RAB11A: variants seen among roughly 807,000 people sequenced by gnomAD.
RAB11A encodes ras-related protein Rab-11A.
Under a neutral mutation model 28.0 loss-of-function variants are expected in RAB11A, and 9 were observed. That is an observed-to-expected ratio of 0.32 (90% CI 0.19 to 0.56). The LOEUF (loss-of-function observed/expected upper bound fraction) is 0.56. Among genes scored for constraint, RAB11A ranks in the 20% least tolerant of loss-of-function variants. The pLI, the probability that RAB11A is intolerant of heterozygous loss-of-function variation, is 0.91. For synonymous variants in RAB11A, 85 were observed against 88.2 expected (o/e 0.96, Z 0.20); for missense variants, 108 against 269.6 (o/e 0.40, Z 4.20).
intron 1 of RAB11A, among the ~76,000 whole-genome samples, chr15:65,871,160 A>C (rs1470576881): frequency 6.6e-6 from 1 of 152,264 alleles, no homozygotes; most frequent in East Asian, 1.9e-4. Context: ...AGCAGGAAAG[A>C]TTTCTTTGCT....
At chr15:65,873,549 ATATC>A in intron 1 of RAB11A, among the ~76,000 whole-genome samples, 1 of 151,860 alleles carries the variant, frequency 6.6e-6, no homozygotes, top group African/African-American at 2.4e-5. Context: ...ATCTATATCT[ATATC>A]TATATATATA....
rs769282556 is a variant in RAB11A, at chr15:65,877,834, G to A, written c.309G>A (p.Glu103=). 23 of 1,611,416 alleles carry A rather than the reference G, an allele frequency of 1.4e-5. No homozygotes were observed. The highest frequency in any genetic ancestry group is 2.0e-5 in the Non-Finnish European group (23 of 1,177,634). ...IAKHLTYENV[E]RWLKELRDHA... ...AACATCTCACATATGAAAATGTAGAGCGATGGCTGAAAGAACTGAGAGATC... is the reference window on the plus strand; with the variant it reads ...AACATCTCACATATGAAAATGTAGAACGATGGCTGAAAGAACTGAGAGATC... The change falls in exon 3 of 5, where the codon GAG becomes GAA. Residue 103 remains glutamate, a synonymous_variant. Transcript: ENST00000261890. This position sits in a 1 kb window ranked among gnomAD's most constrained non-coding sequence, Gnocchi z 4.1.
At chr15:65,870,624 A>G (rs914773112) in intron 1 of RAB11A, among the ~76,000 whole-genome samples, 1 of 152,208 alleles carries the variant, frequency 6.6e-6, no homozygotes, top group Non-Finnish European at 1.5e-5. Context: ...AGCTTGCTTT[A>G]TCTCTATGAA....
intron 4 of RAB11A, among the ~76,000 whole-genome samples, chr15:65,884,786 C>A (rs2078244658): frequency 6.7e-6 from 1 of 149,288 alleles, no homozygotes; most frequent in Admixed American, 6.7e-5. Context: ...AAACCAAAAA[C>A]CTGATAAGAA....
In RAB11A at chr15:65,888,008, C is replaced by T. The variant is rs1179743690; in HGVS notation, c.*168C>T. 1 of 654,582 alleles carries T rather than the reference C, an allele frequency of 1.5e-6. No homozygotes were observed. The highest frequency in any genetic ancestry group is 1.9e-5 in the African/African-American group (1 of 52,522). 40.5% of individuals were successfully genotyped at this position (654,582 alleles called of 1,614,324 possible). A position where few individuals can be genotyped will look rare whatever the true frequency, so the allele number is the denominator to read the frequency against. On this transcript the variant is annotated 3_prime_UTR_variant, in exon 5 of 5. Transcript: ENST00000261890. The stretch of plus-strand genomic sequence containing the variant: ...TAGCTTTATAAAATCATCCACTTGT[C>T]CCGAATGACTGCAGCTTTTTTTCAT...
In RAB11A at chr15:65,888,708, T is replaced by C. The variant is rs1276709935; in HGVS notation, c.*868T>C. On this transcript the variant is annotated 3_prime_UTR_variant, in exon 5 of 5. Coordinates refer to ENST00000261890, the MANE Select transcript of RAB11A (RefSeq NM_004663.5). Reference sequence around the variant, plus strand: ...CTGGTAGTGTCAAATTTTGAAGTGTTAATTTTGTCTTAGAACCTTCCAGTA... The same window carrying C: ...CTGGTAGTGTCAAATTTTGAAGTGTCAATTTTGTCTTAGAACCTTCCAGTA... 1 of 145,352 alleles carries C rather than the reference T, an allele frequency of 6.9e-6. No individual in the cohort carries two copies. Among genetic ancestry groups the C allele is most frequent in the East Asian group, 1.9e-4 (1 of 5,198 alleles). 9.0% of individuals were successfully genotyped at this position (145,352 alleles called of 1,614,324 possible). A position where few individuals can be genotyped will look rare whatever the true frequency, so the allele number is the denominator to read the frequency against.
At chr15:65,880,837 T>C (rs1285410633) in intron 4 of RAB11A, among the ~76,000 whole-genome samples, 1 of 152,200 alleles carries the variant, frequency 6.6e-6, no homozygotes, top group Admixed American at 6.5e-5. Context: ...GTTTTGTTAT[T>C]TCTTTTTTGA....
chr15:65,880,287 G>C (rs2078214573), intron 4 of RAB11A, among the ~76,000 whole-genome samples: 1 of 152,156 alleles, frequency 6.6e-6, no homozygotes, highest in African/African-American at 2.4e-5. Flanking sequence ...AAAGTAGTTG[G>C]AAAGAGATGG....
At position 65,890,777 on chromosome 15, in the gene RAB11A, A is replaced by T. The variant is rs186548892; in HGVS notation, c.*2937A>T. The T allele has an allele frequency of 2.0e-5, 3 of 152,346 alleles. No homozygotes were observed. Among genetic ancestry groups the T allele is most frequent in the Admixed American group, 2.0e-4 (3 of 15,306 alleles). The allele number at this position is 152,346 out of a possible 1,614,324, so 9.4% of individuals were successfully genotyped here. ...TACTATTTAGACAGTTTTGGCCAAC[A>T]CTAGAAGCAAAAGAATTCAAAGGCT... is the stretch of plus-strand genomic sequence containing the variant. On this transcript the variant is annotated 3_prime_UTR_variant, in exon 5 of 5. Coordinates refer to ENST00000261890, the MANE Select transcript of RAB11A (RefSeq NM_004663.5).
In RAB11A at chr15:65,887,986, C is replaced by G. The variant is rs2078265081; in HGVS notation, c.*146C>G. On this transcript the variant is annotated 3_prime_UTR_variant, in exon 5 of 5. Coordinates refer to ENST00000261890, the MANE Select transcript of RAB11A (RefSeq NM_004663.5). ...CATGTCCTAAGTCTTTTGATTTTAG[C>G]TTTATAAAATCATCCACTTGTCCCG... 1 of 894,412 alleles carries G rather than the reference C, an allele frequency of 1.1e-6. No homozygotes were observed. The highest frequency in any genetic ancestry group is 1.7e-5 in the African/African-American group (1 of 57,190). 55.4% of individuals were successfully genotyped at this position (894,412 alleles called of 1,614,324 possible). A position where few individuals can be genotyped will look rare whatever the true frequency, so the allele number is the denominator to read the frequency against.
chr15:65,883,176 A>G (rs1249202307), intron 4 of RAB11A, among the ~76,000 whole-genome samples: 1 of 152,170 alleles, frequency 6.6e-6, no homozygotes, highest in Non-Finnish European at 1.5e-5. Context: ...TTAATTACAG[A>G]CCTTATTCAG....
chr15:65,891,894 A>G lies in RAB11A; in HGVS notation c.*4054A>G, dbSNP rs1250978470. On this transcript the variant is annotated 3_prime_UTR_variant, in exon 5 of 5. Coordinates refer to ENST00000261890, the MANE Select transcript of RAB11A (RefSeq NM_004663.5). ...CTGCTATGTTAACTGTAAATTGAGAACTGCTTGTTTTATGGCTTTTGCTGT... is the reference window on the plus strand; with the variant it reads ...CTGCTATGTTAACTGTAAATTGAGAGCTGCTTGTTTTATGGCTTTTGCTGT... 6.6e-6 allele frequency: 1 copy of G among 152,194 alleles called. No individual in the cohort carries two copies. Among genetic ancestry groups the G allele is most frequent in the Admixed American group, 6.5e-5 (1 of 15,280 alleles). 9.4% of individuals were successfully genotyped at this position (152,194 alleles called of 1,614,324 possible). A position where few individuals can be genotyped will look rare whatever the true frequency, so the allele number is the denominator to read the frequency against.
At position 65,890,659 on chromosome 15, in the gene RAB11A, TGTC is replaced by T. The variant is rs1567141164; in HGVS notation, c.*2820_*2822del. ...TTGAAAAAATGAATATCTTAATTTT[TGTC>T]TTTGCTGACTGGTATTTATAAAATA... On this transcript the variant is annotated 3_prime_UTR_variant, in exon 5 of 5. Coordinates refer to ENST00000261890, the MANE Select transcript of RAB11A (RefSeq NM_004663.5). 3 of 152,226 alleles carry T rather than the reference TGTC, an allele frequency of 2.0e-5. No individual in the cohort carries two copies. The highest frequency in any genetic ancestry group is 4.4e-5 in the Non-Finnish European group (3 of 68,042). The allele number at this position is 152,226 out of a possible 1,614,324, so 9.4% of individuals were successfully genotyped here.
chr15:65,880,359 C>T (rs1243729363), intron 4 of RAB11A, among the ~76,000 whole-genome samples: 1 of 152,144 alleles, frequency 6.6e-6, no homozygotes, highest in East Asian at 1.9e-4. Context: ...AGTGTTCACT[C>T]ATATTTATCC....
In RAB11A at chr15:65,869,644, G is replaced by T; in HGVS notation, c.40+19G>T. The T allele has an allele frequency of 1.9e-6, 3 of 1,609,686 alleles. No individual in the cohort carries two copies. Among genetic ancestry groups the T allele is most frequent in the Non-Finnish European group, 1.7e-6 (2 of 1,178,680 alleles). ...TTTAAAGGTGAGGCCATGGGCTCTC[G>T]CACTCTACACAGTCCTCGTTCGGGG... On this transcript the variant is annotated intron_variant, in intron 1 of 4. Transcript: ENST00000261890.
intron 1 of RAB11A, among the ~76,000 whole-genome samples, chr15:65,870,866 GT>G (rs77143810): frequency 2.5e-4 from 37 of 147,124 alleles, no homozygotes; most frequent in Admixed American, 5.4e-4. Flanking sequence ...AAGGAATCCG[GT>G]TTTTTTTTTT....
chr15:65,869,734 C>T, intron 1 of RAB11A, 109 bp downstream of exon 1: 2 of 1,192,468 alleles, frequency 1.7e-6, no homozygotes, highest in African/African-American at 1.5e-5. Flanking sequence ...CCTCCCTCAG[C>T]CCTTCCTTTT....
chr15:65,881,935 C>T (rs933181753), intron 4 of RAB11A, among the ~76,000 whole-genome samples: 3 of 147,742 alleles, frequency 2.0e-5, no homozygotes, highest in Admixed American at 6.8e-5. Context: ...GTAGTGTGTG[C>T]GCCTGTAGTC....
intron 4 of RAB11A, among the ~76,000 whole-genome samples, chr15:65,880,388 C>T (rs563285081): frequency 6.6e-6 from 1 of 152,206 alleles, no homozygotes; most frequent in Admixed American, 6.5e-5. Context: ...TTAGAATAAC[C>T]AGATTTATTA....
Sources: allele counts gnomAD v4.1 joint callset (sites outside exome capture counted in the v4.1 genomes callset), GRCh38; gene constraint gnomAD v4.1.1; non-coding constraint Gnocchi (gnomAD v3.1); transcripts MANE v1.5; gene names NCBI Gene and HGNC (gene_info 2026-07-23, HGNC 2026-07-21).